Variants in CENPW observed in about 807,000 individuals in gnomAD.
CENPW encodes the protein centromere protein W, also known as cancer-up-regulated gene 2 protein.
Under a neutral mutation model 11.1 loss-of-function variants are expected in CENPW, and 3 were observed. That is an observed-to-expected ratio of 0.27 (90% CI 0.12 to 0.70). The LOEUF (loss-of-function observed/expected upper bound fraction) is 0.70, where lower values mean the gene tolerates loss of function less well. Ranked by LOEUF, CENPW falls within the 30% of genes least tolerant of loss-of-function variation. CENPW has a pLI of 0.77. For missense variants in CENPW, 100 were observed against 105.6 expected, an observed-to-expected ratio of 0.95 and a Z score of 0.23; for synonymous variants, 38 against 42.0, an observed-to-expected ratio of 0.91 and a Z score of 0.37.
chr6:126,410,965 C>T, the CENPW span, among the ~76,000 whole-genome samples: 1 of 151,788 alleles, frequency 6.6e-6, no homozygotes, highest in Non-Finnish European at 1.5e-5. Context: ...TTTTTAATAC[C>T]TTTTCCATCA....
At chr6:126,448,406 T>G in the CENPW span, among the ~76,000 whole-genome samples, 1 of 151,096 alleles carries the variant, frequency 6.6e-6, no homozygotes. Context: ...ATAACTGTAT[T>G]TTTAATAAGT....
chr6:126,402,766 C>T, the CENPW span, among the ~76,000 whole-genome samples: 186 of 151,948 alleles, frequency 1.2e-3, no homozygotes, highest in African/African-American at 4.2e-3. Flanking sequence ...AGTTGATGAA[C>T]GTTTGAGTTG....
the CENPW span, among the ~76,000 whole-genome samples, chr6:126,469,216 A>G: frequency 2.0e-5 from 3 of 152,138 alleles, no homozygotes; most frequent in Admixed American, 6.6e-5. Flanking sequence ...ACTGGATCAT[A>G]TGGGCCGTTT....
the CENPW span, among the ~76,000 whole-genome samples, chr6:126,471,580 T>G: frequency 3.3e-5 from 5 of 152,176 alleles, no homozygotes; most frequent in Non-Finnish European, 7.3e-5. Context: ...AACACTGGAA[T>G]GGATAAATAT....
At chr6:126,413,358 A>G in the CENPW span, among the ~76,000 whole-genome samples, 1 of 152,150 alleles carries the variant, frequency 6.6e-6, no homozygotes, top group African/African-American at 2.4e-5. Context: ...ATTCATATAT[A>G]AGGAAATCCT....
the CENPW span, among the ~76,000 whole-genome samples, chr6:126,404,109 T>C: frequency 6.6e-6 from 1 of 152,088 alleles, no homozygotes; most frequent in African/African-American, 2.4e-5. Context: ...GTTTACTGAA[T>C]ATTTTAAGCC....
the CENPW span, among the ~76,000 whole-genome samples, chr6:126,479,814 G>A: frequency 1.3e-5 from 2 of 151,450 alleles, no homozygotes; most frequent in African/African-American, 4.9e-5. Context: ...CCTTCCACTT[G>A]TTATATGAGA....
chr6:126,386,350 ATGT>A, the CENPW span, among the ~76,000 whole-genome samples: 6 of 152,058 alleles, frequency 3.9e-5, no homozygotes, highest in East Asian at 1.9e-4. Context: ...TGTGAGGGAA[ATGT>A]TGTCAATCTG....
At chr6:126,376,958 A>C in the CENPW span, among the ~76,000 whole-genome samples, 1 of 152,186 alleles carries the variant, frequency 6.6e-6, no homozygotes, top group East Asian at 1.9e-4. Context: ...TCCTGTGTGC[A>C]TACATCTTTA....
chr6:126,422,926 C>G, the CENPW span, among the ~76,000 whole-genome samples: 1 of 152,090 alleles, frequency 6.6e-6, no homozygotes, highest in African/African-American at 2.4e-5. Flanking sequence ...GCTAGAACAA[C>G]GTCAAGTAAC....
chr6:126,375,958 G>A, the CENPW span, among the ~76,000 whole-genome samples: 1 of 152,210 alleles, frequency 6.6e-6, no homozygotes, highest in African/African-American at 2.4e-5. Context: ...CCTATGCAGA[G>A]GCCCATCAAC....
chr6:126,386,027 ATGTATTC>A, the CENPW span, among the ~76,000 whole-genome samples: 1 of 152,240 alleles, frequency 6.6e-6, no homozygotes, highest in African/African-American at 2.4e-5. Context: ...GAGAGTATAA[ATGTATTC>A]TTTTGAAATA....
At chr6:126,365,369 A>G in the CENPW span, among the ~76,000 whole-genome samples, 3 of 152,224 alleles carry the variant, frequency 2.0e-5, no homozygotes. Context: ...TGCAGGCTCT[A>G]CAGGCTTCTG....
At chr6:126,357,963 A>AT in the CENPW span, among the ~76,000 whole-genome samples, 7 of 151,968 alleles carry the variant, frequency 4.6e-5, no homozygotes, top group Admixed American at 6.6e-5. Flanking sequence ...AGGTATTACC[A>AT]TTTTTTTGTG....
At chr6:126,382,631 G>A in the CENPW span, among the ~76,000 whole-genome samples, 3 of 152,096 alleles carry the variant, frequency 2.0e-5, no homozygotes, top group African/African-American at 7.2e-5. Flanking sequence ...CACACCACAA[G>A]AATTATATAA....
the CENPW span, among the ~76,000 whole-genome samples, chr6:126,360,247 G>C: frequency 6.6e-6 from 1 of 152,158 alleles, no homozygotes; most frequent in Non-Finnish European, 1.5e-5. Flanking sequence ...GCTGAAAATA[G>C]GTTCTCAGTG....
chr6:126,418,344 A>C, the CENPW span, among the ~76,000 whole-genome samples: 19 of 152,242 alleles, frequency 1.2e-4, no homozygotes, highest in Admixed American at 1.0e-3. Flanking sequence ...GAAACTTAAT[A>C]GTCCATTAAT....
the CENPW span, among the ~76,000 whole-genome samples, chr6:126,396,483 T>C: frequency 4.6e-5 from 7 of 152,140 alleles, no homozygotes; most frequent in Non-Finnish European, 1.0e-4. Flanking sequence ...GGTTCAGAAA[T>C]GTCATCCAAG....
chr6:126,364,633 A>G, the CENPW span, among the ~76,000 whole-genome samples: 10 of 152,172 alleles, frequency 6.6e-5, no homozygotes, highest in South Asian at 4.1e-4. Flanking sequence ...TCCATTTTAT[A>G]TGTAACTTTT....
Sources: allele counts gnomAD v4.1 joint callset (sites outside exome capture counted in the v4.1 genomes callset), GRCh38; gene constraint gnomAD v4.1.1; transcripts MANE v1.5; gene names NCBI Gene and HGNC (gene_info 2026-07-23, HGNC 2026-07-21).